The following PCLAF variants were observed in gnomAD, a reference collection of about 807,000 sequenced individuals.
PCLAF encodes the protein PCNA-associated factor.
Under a neutral mutation model 15.1 loss-of-function variants are expected in PCLAF, and 12 were observed. The observed-to-expected ratio is 0.79, with a 90% CI of 0.51 to 1.29. The LOEUF (loss-of-function observed/expected upper bound fraction) is 1.29. Among genes scored for constraint, PCLAF ranks in the 50% most tolerant of loss-of-function variants. PCLAF has a pLI of 0.00. For missense variants in PCLAF, 116 were observed against 130.9 expected (o/e 0.89, Z 0.56); for synonymous variants, 33 against 47.1 (o/e 0.70, Z 1.22).
chr15:64,387,547 CT>C (rs1899975112), exon 1 of PCLAF: 2 of 1,331,810 alleles, frequency 1.5e-6, no homozygotes, highest in Non-Finnish European at 9.7e-7. Flanking sequence ...TGTTTTCCCC[CT>C]AAACTGTCGT....
At chr15:64,371,719 C>G (rs1213747866) in intron 3 of PCLAF, among the ~76,000 whole-genome samples, 2 of 152,220 alleles carry the variant, frequency 1.3e-5, no homozygotes, top group Non-Finnish European at 2.9e-5. Context: ...GCCTCAGCCT[C>G]CTGAGCAGCT....
intron 3 of PCLAF, chr15:64,373,512 G>A: frequency 2.0e-6 from 2 of 999,452 alleles, no homozygotes; most frequent in Non-Finnish European, 2.7e-6. Context: ...TGGTAGAGAT[G>A]TAGAAGGGCA....
upstream of PCLAF, chr15:64,381,533 C>A: frequency 6.6e-7 from 1 of 1,512,778 alleles, no homozygotes. Context: ...GGTTCCGCGC[C>A]GTTCCCCCTG....
chr15:64,374,315 G>A (rs1899496367), intron 3 of PCLAF, among the ~76,000 whole-genome samples: 3 of 152,110 alleles, frequency 2.0e-5, no homozygotes, highest in African/African-American at 7.2e-5. Context: ...GCCGAGGCGG[G>A]CAGATCATGA....
chr15:64,367,025 G>A (rs1305255275), intron 3 of PCLAF, among the ~76,000 whole-genome samples: 1 of 151,798 alleles, frequency 6.6e-6, no homozygotes, highest in African/African-American at 2.4e-5. Context: ...CAGCGACTCA[G>A]GAGGCCTGAG....
Position 64,365,850 on chromosome 15 carries a change from A to C in PCLAF, c.*180T>G, listed in dbSNP as rs1279879027. 3.3e-6 allele frequency: 2 copies of C among 612,938 alleles called. No individual in the cohort carries two copies. Among genetic ancestry groups the C allele is most frequent in the Non-Finnish European group, 5.7e-6 (2 of 349,288 alleles). The allele number at this position is 612,938 out of a possible 1,614,324, so 38.0% of individuals were successfully genotyped here. On this transcript the variant is annotated 3_prime_UTR_variant, in exon 4 of 4. Transcript: ENST00000300035. ...ATTGAATACTAAGCTAAGTTACCATAATTAGTCTTACAAATTCTCAAATTT... is the reference window on the plus strand; with the variant it reads ...ATTGAATACTAAGCTAAGTTACCATCATTAGTCTTACAAATTCTCAAATTT...
chr15:64,387,578 GTCT>G (rs1259914799), exon 1 of PCLAF: 4 of 1,368,026 alleles, frequency 2.9e-6, no homozygotes, highest in Non-Finnish European at 3.8e-6. Context: ...CACTTGCACT[GTCT>G]TCTTAGCAGA....
At chr15:64,373,757 G>C in intron 3 of PCLAF, 1 of 1,535,806 alleles carries the variant, frequency 6.5e-7, no homozygotes, top group Non-Finnish European at 8.7e-7. Context: ...AGGATGGGTG[G>C]CTCCTGGCTG....
rs1325195405 is a variant in PCLAF at position 64,373,790 on chromosome 15, G to A, written c.290+2953C>T. 2.6e-6 allele frequency: 4 copies of A among 1,534,252 alleles called. No homozygotes were observed. The South Asian group carries it at 4.8e-5, about 18-fold the overall frequency. ...CTGGTGCAGGGGAGATAGCAAGTAG[G>A]GTCTTATATTCAAGGGGCATCATAA... On this transcript the variant is annotated intron_variant, in intron 3 of 3. Coordinates refer to ENST00000300035, the MANE Select transcript of PCLAF (RefSeq NM_014736.6).
intron 3 of PCLAF, among the ~76,000 whole-genome samples, chr15:64,366,478 A>G (rs546215839): frequency 6.6e-6 from 1 of 152,358 alleles, no homozygotes; most frequent in African/African-American, 2.4e-5. Context: ...GAGAAAACAT[A>G]TAGCAAGTTG....
upstream of PCLAF, among the ~76,000 whole-genome samples, chr15:64,381,823 AGCGGAC>A (rs1899831457): frequency 6.6e-6 from 1 of 152,268 alleles, no homozygotes. Flanking sequence ...CCTGAAATTA[AGCGGAC>A]TTTTTGATGC....
intron 2 of PCLAF, among the ~76,000 whole-genome samples, chr15:64,379,707 C>T (rs1389495330): frequency 1.3e-5 from 2 of 152,104 alleles, no homozygotes; most frequent in Non-Finnish European, 2.9e-5. Context: ...AATCTTGTAG[C>T]GTTAATCTCC....
Position 64,381,318 on chromosome 15 carries a change from C to T in PCLAF, c.46+8G>A, listed in dbSNP as rs188268476. ...CCCGCCCTCCAGTACCACACTCGAT[C>T]GCCTCACCTTTTCTGTAAGTGCCTG... On this transcript the variant is annotated splice_region_variant and intron_variant, in intron 1 of 3. Coordinates refer to ENST00000300035, the MANE Select transcript of PCLAF (RefSeq NM_014736.6). 4 of 1,613,998 alleles carry T rather than the reference C, an allele frequency of 2.5e-6. No individual in the cohort carries two copies. The highest frequency in any genetic ancestry group is 2.7e-5 in the African/African-American group (2 of 74,908).
chr15:64,370,759 A>G (rs1234614173), intron 3 of PCLAF, among the ~76,000 whole-genome samples: 1 of 150,324 alleles, frequency 6.7e-6, no homozygotes, highest in African/African-American at 2.4e-5. Context: ...GCTTAGGCCC[A>G]GGCTCTATCT....
intron 3 of PCLAF, among the ~76,000 whole-genome samples, chr15:64,366,324 C>T (rs556798069): frequency 2.0e-5 from 3 of 152,098 alleles, no homozygotes; most frequent in East Asian, 3.9e-4. Flanking sequence ...CTTTAGACTA[C>T]GTTGTAATTT....
In PCLAF at chr15:64,364,993, ATTTTTTTT is replaced by A; in HGVS notation, c.*1029_*1036del. On this transcript the variant is annotated 3_prime_UTR_variant, in exon 4 of 4. Transcript: ENST00000300035. Reference sequence around the variant, plus strand: ...GCCACTGCACTCAGCCTTTTTTAAAATTTTTTTTTTTTTTTTTTTTGAGACGGAGTCTC... The same window carrying A: ...GCCACTGCACTCAGCCTTTTTTAAAATTTTTTTTTTTTGAGACGGAGTCTC... The A allele has an allele frequency of 8.5e-6, 1 of 117,286 alleles. No homozygotes were observed. The highest frequency in any genetic ancestry group is 1.0e-4 in the Admixed American group (1 of 9,934). 7.3% of individuals were successfully genotyped at this position (117,286 alleles called of 1,614,324 possible). A position where few individuals can be genotyped will look rare whatever the true frequency, so the allele number is the denominator to read the frequency against.
chr15:64,379,180 A>T (rs1899732779), intron 2 of PCLAF, among the ~76,000 whole-genome samples: 1 of 152,032 alleles, frequency 6.6e-6, no homozygotes, highest in African/African-American at 2.4e-5. Context: ...ATGCGGCTCT[A>T]ATGAAATTTC....
intron 3 of PCLAF, 73 bp downstream of exon 3, chr15:64,376,670 C>A: frequency 8.0e-7 from 1 of 1,249,282 alleles, no homozygotes; most frequent in Non-Finnish European, 1.1e-6. Context: ...CCTCCCGCCT[C>A]GGCCTCCCAA....
intron 3 of PCLAF, among the ~76,000 whole-genome samples, chr15:64,367,903 T>C (rs1479236421): frequency 6.6e-6 from 1 of 150,482 alleles, no homozygotes; most frequent in Admixed American, 6.7e-5. Context: ...AAAACTACTT[T>C]TTTTTTTTGG....
Sources: allele counts gnomAD v4.1 joint callset (sites outside exome capture counted in the v4.1 genomes callset), GRCh38; gene constraint gnomAD v4.1.1; transcripts MANE v1.5; gene names NCBI Gene and HGNC (gene_info 2026-07-23, HGNC 2026-07-21).